Variants in FRMPD4 observed in about 807,000 individuals in gnomAD.
The protein encoded by FRMPD4 is FERM and PDZ domain-containing protein 4.
A neutral mutation model predicts 94.1 loss-of-function variants in FRMPD4; 22 were observed. That is an observed-to-expected ratio of 0.23 (90% CI 0.17 to 0.33). The LOEUF (loss-of-function observed/expected upper bound fraction) is 0.33, where lower values mean the gene tolerates loss of function less well. FRMPD4 is among the 10% of genes least tolerant of loss of function. The probability of loss-of-function intolerance (pLI) is 1.00; values close to 1 mark genes in which losing one functional copy is unlikely to be tolerated. For synonymous variants in FRMPD4, 631 were observed against 548.6 expected, an observed-to-expected ratio of 1.15 and a Z score of -2.10; for missense variants, 1,111 against 1,339.9, an observed-to-expected ratio of 0.83 and a Z score of 2.67.
chrX:12,641,245 C>T (rs2059497317), intron 4 of FRMPD4, among the ~76,000 whole-genome samples: 1 of 110,778 alleles, frequency 9.0e-6, no homozygotes, highest in African/African-American at 3.3e-5. Flanking sequence ...CAGTATCAGG[C>T]AAAGCCCCAG....
intron 1 of FRMPD4, among the ~76,000 whole-genome samples, chrX:12,428,971 T>C (rs1214342686): frequency 9.0e-6 from 1 of 111,247 alleles, no homozygotes; most frequent in Non-Finnish European, 1.9e-5. Context: ...GACTTCACTG[T>C]GGGATAACTG....
intron 1 of FRMPD4, among the ~76,000 whole-genome samples, chrX:12,324,133 G>A (rs973573675): frequency 1.8e-5 from 2 of 111,947 alleles, no homozygotes; most frequent in Non-Finnish European, 3.8e-5. Context: ...CAGAAAGAGG[G>A]AACAAACACT....
At chrX:11,953,719 C>T (rs1165942098) in intron 3 of FRMPD4, among the ~76,000 whole-genome samples, 1 of 111,484 alleles carries the variant, frequency 9.0e-6, no homozygotes, top group Admixed American at 9.5e-5. Context: ...GCAGGAAATG[C>T]CTTTCCTTGA....
chrX:12,101,414 A>T (rs1480279103), intron 3 of FRMPD4, among the ~76,000 whole-genome samples: 1 of 111,178 alleles, frequency 9.0e-6, no homozygotes, highest in Non-Finnish European at 1.9e-5. Flanking sequence ...CTATCAATTG[A>T]TCCTAGTCCT....
At chrX:12,713,082 C>T (rs1422770896) in intron 14 of FRMPD4, among the ~76,000 whole-genome samples, 3 of 73,337 alleles carry the variant, frequency 4.1e-5, no homozygotes, top group East Asian at 8.4e-4. Flanking sequence ...GATCCTGTGT[C>T]TAAAAGAAAA....
chrX:12,703,732 T>A (rs1359937470), intron 10 of FRMPD4, among the ~76,000 whole-genome samples: 1 of 111,928 alleles, frequency 8.9e-6, no homozygotes, highest in Non-Finnish European at 1.9e-5. Context: ...TACATCCACG[T>A]CCATGAATGA....
At chrX:12,159,374 G>T (rs952858875) in intron 1 of FRMPD4, among the ~76,000 whole-genome samples, 3 of 112,045 alleles carry the variant, frequency 2.7e-5, no homozygotes, top group Admixed American at 9.5e-5. Flanking sequence ...GTGAATAAGA[G>T]AAACTGGTCT....
chrX:11,976,345 G>A (rs1389596871), intron 3 of FRMPD4, among the ~76,000 whole-genome samples: 1 of 112,189 alleles, frequency 8.9e-6, no homozygotes, highest in Non-Finnish European at 1.9e-5. Context: ...TGATAGTGAT[G>A]AGTATGGTAG....
intron 4 of FRMPD4, among the ~76,000 whole-genome samples, chrX:12,616,804 T>A (rs2148427843): frequency 8.9e-6 from 1 of 112,147 alleles, no homozygotes; most frequent in South Asian, 3.8e-4. Context: ...GAATGCCATG[T>A]TTGGGCTTGA....
In FRMPD4 at chrX:12,715,298, T is replaced by C. The variant is rs144252554; in HGVS notation, c.1610-771T>C. Among the ~76,000 whole-genome samples, 106 of 112,097 alleles carry C rather than the reference T, an allele frequency of 9.5e-4. 1 individual carries two copies. The East Asian group carries it at 0.022, about 23-fold the overall frequency. ...AATCCATGAGGAACATGAAACAAAT[T>C]TTCAGGAGTTCCTATGATACAAACA... is the stretch of plus-strand genomic sequence containing the variant. On this transcript the variant is annotated intron_variant, in intron 14 of 16. Coordinates refer to ENST00000675598, the MANE Select transcript of FRMPD4 (RefSeq NM_001368397.1).
chrX:12,646,940 AGT>A (rs2059553152), intron 4 of FRMPD4, among the ~76,000 whole-genome samples: 1 of 112,086 alleles, frequency 8.9e-6, no homozygotes, highest in Non-Finnish European at 1.9e-5. Flanking sequence ...ATTGGGAGGT[AGT>A]GGCTATGACC....
chrX:12,115,827 A>G (rs1160194363), intron 3 of FRMPD4, among the ~76,000 whole-genome samples: 1 of 110,513 alleles, frequency 9.0e-6, no homozygotes, highest in Non-Finnish European at 1.9e-5. Flanking sequence ...GACGACTTAA[A>G]TTCATCTCTC....
intron 3 of FRMPD4, among the ~76,000 whole-genome samples, chrX:11,912,411 A>G (rs1310326759): frequency 8.9e-6 from 1 of 112,566 alleles, no homozygotes; most frequent in Admixed American, 9.4e-5. Flanking sequence ...CGACAGTTTG[A>G]GTTTAATACT....
At chrX:12,524,875 T>C (rs1346913199) in intron 2 of FRMPD4, among the ~76,000 whole-genome samples, 2 of 111,877 alleles carry the variant, frequency 1.8e-5, no homozygotes, top group African/African-American at 6.5e-5. Flanking sequence ...ATGGGACATA[T>C]GCACCCCAGG....
At chrX:12,139,137 G>A in intron 1 of FRMPD4, 125 bp downstream of exon 1, 1 of 491,522 alleles carries the variant, frequency 2.0e-6, no homozygotes, top group Middle Eastern at 6.1e-4. Context: ...GACAAACGAA[G>A]TGGCCGGGGG....
At chrX:12,475,085 C>T (rs1234225666) in intron 1 of FRMPD4, among the ~76,000 whole-genome samples, 5 of 111,816 alleles carry the variant, frequency 4.5e-5, no homozygotes, top group African/African-American at 1.6e-4. Context: ...CAAACTGACT[C>T]CAGCAGCACA....
chrX:12,625,259 C>A (rs888872023), intron 4 of FRMPD4, among the ~76,000 whole-genome samples: 1 of 111,130 alleles, frequency 9.0e-6, no homozygotes, highest in African/African-American at 3.3e-5. Flanking sequence ...AATAGAACTA[C>A]CATATTATCC....
chrX:12,157,936 C>T (rs1167009532), intron 1 of FRMPD4, among the ~76,000 whole-genome samples: 2 of 111,903 alleles, frequency 1.8e-5, no homozygotes, highest in Non-Finnish European at 3.8e-5. Flanking sequence ...AGAAGATAAA[C>T]TTACTGTGTA....
chrX:12,422,299 G>A (rs1231126051), intron 1 of FRMPD4, among the ~76,000 whole-genome samples: 1 of 112,163 alleles, frequency 8.9e-6, no homozygotes, highest in Non-Finnish European at 1.9e-5. Context: ...ATATCGTGTA[G>A]GACGCTAGAG....
Sources: allele counts gnomAD v4.1 joint callset (sites outside exome capture counted in the v4.1 genomes callset), GRCh38; gene constraint gnomAD v4.1.1; transcripts MANE v1.5; gene names NCBI Gene and HGNC (gene_info 2026-07-23, HGNC 2026-07-21).